The following CUL9 variants were observed in gnomAD, a reference collection of about 807,000 sequenced individuals.
CUL9 encodes the protein cullin 9, also known as cullin-9.
In CUL9, 79 loss-of-function variants were observed where a neutral mutation model predicts 272.6. The observed-to-expected ratio is 0.29, with a 90% confidence interval of 0.24 to 0.35. CUL9 has a LOEUF of 0.35. Ranked by LOEUF, CUL9 falls within the 10% of genes least tolerant of loss-of-function variation. The pLI, the probability that CUL9 is intolerant of heterozygous loss-of-function variation, is 1.00. For missense variants in CUL9, 2,532 were observed against 3,255.6 expected, an observed-to-expected ratio of 0.78 and a Z score of 5.41; for synonymous variants, 1,186 against 1,286.5, an observed-to-expected ratio of 0.92 and a Z score of 1.67.
rs367599354 is a variant in CUL9, at chr6:43,187,111, G to A, written c.1387+16G>A. ...TTGGGCACAGGTGAGCCTAAGAGGGGACATGGATAGCATGTCTCTGAACAG... is the reference window on the plus strand; with the variant it reads ...TTGGGCACAGGTGAGCCTAAGAGGGAACATGGATAGCATGTCTCTGAACAG... On this transcript the variant is annotated intron_variant, in intron 5 of 40. Coordinates refer to ENST00000252050, the MANE Select transcript of CUL9 (RefSeq NM_015089.4). 5.0e-6 allele frequency: 8 copies of A among 1,613,460 alleles called. No homozygotes were observed. In the African/African-American group the frequency reaches 1.1e-4, roughly 22 times the overall value.
Position 43,224,110 on chromosome 6 carries a change from C to G in CUL9, c.7300C>G (p.Leu2434Val). The change falls in exon 40 of 41, where the codon CTT becomes GTT. Residue 2434 changes from leucine (L) to valine (V), a missense_variant. Around this residue, in one of 3 missense-constraint regions of CUL9, gnomAD observed 237 missense variants for 305.9 expected, o/e 0.77. Transcript: ENST00000252050. The surrounding 1 kb of genome is among the most constrained non-coding windows in gnomAD (Gnocchi z 4.2). ...TGCTCACCAGGATTTCCGGGTTGGT[C>G]TTCAGAGTCCATCAGTAGAGGCCTG... Reference protein sequence around the residue: ...QHSAQDFRVGLQSPSVEAWEA... With the variant: ...QHSAQDFRVGVQSPSVEAWEA... The G allele has an allele frequency of 6.2e-7, 1 of 1,614,238 alleles. No homozygotes were observed. Among genetic ancestry groups the G allele is most frequent in the Non-Finnish European group, 8.5e-7 (1 of 1,180,048 alleles).
intron 29 of CUL9, among the ~76,000 whole-genome samples, chr6:43,214,534 C>A (rs1052046290): frequency 2.0e-5 from 3 of 152,148 alleles, no homozygotes; most frequent in African/African-American, 7.2e-5. Context: ...GGCGCGGTGG[C>A]TCATGCCTGT....
Position 43,196,840 on chromosome 6 carries a change from G to T in CUL9, c.2781G>T (p.Pro927=). 3 of 1,614,088 alleles carry T rather than the reference G, an allele frequency of 1.9e-6. No individual in the cohort carries two copies. Among genetic ancestry groups the T allele is most frequent in the Middle Eastern group, 1.7e-4 (1 of 6,060 alleles). ...TGCTTCTCAATCGCTACTCAGAGCC[G>T]CCGGGCAGCCCTGAGCGTGCAGGTA... is the stretch of plus-strand genomic sequence containing the variant. ...LMMLLNRYSE[P]PGSPERAALE... is the part of the protein sequence containing the mutation. The change falls in exon 11 of 41, where the codon CCG becomes CCT. Residue 927 remains proline (P), a synonymous_variant. Coordinates refer to ENST00000252050, the MANE Select transcript of CUL9 (RefSeq NM_015089.4).
In CUL9 at chr6:43,187,263, T is replaced by C; in HGVS notation, c.1405T>C (p.Trp469Arg). Residue 469 changes from tryptophan to arginine, a missense_variant, in exon 6 of 41, where the codon TGG (tryptophan) becomes CGG (arginine). Coordinates refer to ENST00000252050, the MANE Select transcript of CUL9 (RefSeq NM_015089.4). The part of the protein sequence containing the change: ...VLGTAFPSWD[W>R]NPMDGLYPLP... ...GTCCTCAGCATTTCCCTCCTGGGACTGGAATCCTATGGATGGGCTGTACCC... is the reference window on the plus strand; with the variant it reads ...GTCCTCAGCATTTCCCTCCTGGGACCGGAATCCTATGGATGGGCTGTACCC... The C allele has an allele frequency of 1.2e-6, 2 of 1,613,936 alleles. No homozygotes were observed. The highest frequency in any genetic ancestry group is 2.2e-5 in the East Asian group (1 of 44,886).
In CUL9 at chr6:43,200,204, CAGG is replaced by C. The variant is rs747233788; in HGVS notation, c.3384+51_3384+53del. On this transcript the variant is annotated intron_variant, in intron 14 of 40. Coordinates refer to ENST00000252050, the MANE Select transcript of CUL9 (RefSeq NM_015089.4). This position sits in a 1 kb window ranked among gnomAD's most constrained non-coding sequence, Gnocchi z 4.0. ...CAGCTGAGAGAATGCAAGTCAGAAG[CAGG>C]AGAAGGGGATTCACTGTGTTCCTCT... 6.4e-7 allele frequency: 1 copy of C among 1,553,822 alleles called. No individual in the cohort carries two copies. The highest frequency in any genetic ancestry group is 8.8e-7 in the Non-Finnish European group (1 of 1,132,004).
At chr6:43,191,763 T>C (rs966598668) in intron 8 of CUL9, among the ~76,000 whole-genome samples, 1 of 151,862 alleles carries the variant, frequency 6.6e-6, no homozygotes, top group African/African-American at 2.4e-5. Context: ...TTTTGTATTT[T>C]TAGTAGAGAT....
chr6:43,187,179 C>A, intron 5 of CUL9, 67 bp from the exon 6 acceptor site: 1 of 1,604,444 alleles, frequency 6.2e-7, no homozygotes, highest in South Asian at 1.1e-5. Flanking sequence ...CCAGGAGCAG[C>A]CCTAGGGGTC....
At position 43,207,290 on chromosome 6, in the gene CUL9, C is replaced by A. The variant is rs972576128; in HGVS notation, c.5212+780C>A. Among the ~76,000 whole-genome samples, 6 of 152,300 alleles carry A rather than the reference C, an allele frequency of 3.9e-5. No individual in the cohort carries two copies. The East Asian group carries it at 1.2e-3, about 29-fold the overall frequency. ...TAGAAGGCTGTCTCCTTCATGCCCC[C>A]TTTCCAGTCAATGTCTTCTTCCAGG... On this transcript the variant is annotated intron_variant, in intron 26 of 40. Transcript: ENST00000252050.
chr6:43,185,360 G>T, intron 2 of CUL9, 96 bp from the exon 3 acceptor site: 1 of 1,333,954 alleles, frequency 7.5e-7, no homozygotes, highest in Non-Finnish European at 1.0e-6. Flanking sequence ...TAGTAACAAA[G>T]TTTGAAAGCG....
At chr6:43,208,047 A>G (rs967487844) in intron 26 of CUL9, among the ~76,000 whole-genome samples, 5 of 152,250 alleles carry the variant, frequency 3.3e-5, no homozygotes, top group Non-Finnish European at 7.3e-5. Flanking sequence ...GAAGGTTAAA[A>G]TAGTTTAACA....
At chr6:43,187,654 C>T in intron 6 of CUL9, 59 bp from the exon 7 acceptor site, 6 of 1,557,606 alleles carry the variant, frequency 3.9e-6, no homozygotes, top group Non-Finnish European at 5.3e-6. Context: ...CTTCCCATTA[C>T]TGACCCCAAG....
rs909195014 is a variant in CUL9 at position 43,213,897 on chromosome 6, T to G, written c.5673T>G (p.Asp1891Glu). Residue 1891 changes from aspartate (D) to glutamate (E), a missense_variant, in exon 29 of 41, where the codon GAT becomes GAG. By Grantham distance (45) the Asp-to-Glu change is conservative. Around this residue, in one of 3 missense-constraint regions of CUL9, gnomAD observed 2,218 missense variants for 2,788.6 expected, o/e 0.80. Transcript: ENST00000252050. The surrounding 1 kb of genome is among the most constrained non-coding windows in gnomAD (Gnocchi z 5.7). The part of the protein sequence containing the change: ...KAHGEKGLHI[D>E]QLVCLVLEAW... ...ATGGGGAAAAGGGCCTCCACATTGATCAGCTGGTTTGTCTGGTAGGCAGAG... is the reference window on the plus strand; with the variant it reads ...ATGGGGAAAAGGGCCTCCACATTGAGCAGCTGGTTTGTCTGGTAGGCAGAG... 5.8e-5 allele frequency: 93 copies of G among 1,613,894 alleles called. No individual in the cohort carries two copies. The highest frequency in any genetic ancestry group is 7.6e-5 in the Non-Finnish European group (90 of 1,180,026).
rs991106724 is a variant in CUL9 at position 43,204,997 on chromosome 6, A to G, written c.4514A>G (p.Tyr1505Cys). 3.1e-6 allele frequency: 5 copies of G among 1,613,324 alleles called. No homozygotes were observed. The highest frequency in any genetic ancestry group is 4.5e-5 in the East Asian group (2 of 44,876). The change falls in exon 23 of 41, where the codon TAT (tyrosine) becomes TGT (cysteine). Residue 1505 changes from tyrosine (Y) to cysteine (C), a missense_variant. By Grantham distance (194) the Tyr-to-Cys change is radical. Around this residue, in one of 3 missense-constraint regions of CUL9, gnomAD observed 2,218 missense variants for 2,788.6 expected, o/e 0.80. Coordinates refer to ENST00000252050, the MANE Select transcript of CUL9 (RefSeq NM_015089.4). ...TTTGTGCCTCGTTACTGTAAACTCT[A>G]TGAGCACTTGCAGAGAGCAGGCTCC... ...PDFVPRYCKL[Y>C]EHLQRAGSEL...
intron 9 of CUL9, among the ~76,000 whole-genome samples, chr6:43,193,857 T>C (rs946319969): frequency 6.6e-6 from 1 of 152,130 alleles, no homozygotes; most frequent in Non-Finnish European, 1.5e-5. Flanking sequence ...GTTCCTGCCT[T>C]TTTAGTTATT....
rs1202998319 is a variant in CUL9 at position 43,220,318 on chromosome 6, A to T, written c.6283-141A>T. ...TGGAGAGAGGAGTCAGCATTGGTTG[A>T]TCTAGAGGCAGGCTTGTTTCTGGCC... On this transcript the variant is annotated intron_variant, in intron 31 of 40. Transcript: ENST00000252050. This position sits in a 1 kb window ranked among gnomAD's most constrained non-coding sequence, Gnocchi z 4.9. 2.1e-6 allele frequency: 2 copies of T among 944,984 alleles called. No individual in the cohort carries two copies. The highest frequency in any genetic ancestry group is 4.5e-5 in the Admixed American group (2 of 44,156). 58.5% of individuals were successfully genotyped at this position (944,984 alleles called of 1,614,324 possible).
chr6:43,203,044 A>G lies in CUL9; in HGVS notation c.3754-65A>G, dbSNP rs750514725. 3 of 1,573,706 alleles carry G rather than the reference A, an allele frequency of 1.9e-6. No homozygotes were observed. Among genetic ancestry groups the G allele is most frequent in the African/African-American group, 1.4e-5 (1 of 74,040 alleles). ...CACCATGACCGACTTGGTTACTGTC[A>G]ACAATTTTTCCAACCTTGTTTCTGG... On this transcript the variant is annotated intron_variant, in intron 17 of 40. Transcript: ENST00000252050. This position sits in a 1 kb window ranked among gnomAD's most constrained non-coding sequence, Gnocchi z 5.0.
At position 43,223,189 on chromosome 6, in the gene CUL9, C is replaced by T; in HGVS notation, c.7151-75C>T. 2.7e-6 allele frequency: 4 copies of T among 1,508,812 alleles called. No individual in the cohort carries two copies. Among genetic ancestry groups the T allele is most frequent in the Non-Finnish European group, 2.7e-6 (3 of 1,118,688 alleles). The allele number at this position is 1,508,812 out of a possible 1,614,324, so 93.5% of individuals were successfully genotyped here. A position where few individuals can be genotyped will look rare whatever the true frequency, so the allele number is the denominator to read the frequency against. ...CTGCACCTGGTGCTTGGTAGACGTT[C>T]CATAGGTGTTTGTTGGAGGAAGGAA... On this transcript the variant is annotated intron_variant, in intron 38 of 40. Transcript: ENST00000252050. This position sits in a 1 kb window ranked among gnomAD's most constrained non-coding sequence, Gnocchi z 4.1.
At position 43,186,959 on chromosome 6, in the gene CUL9, G is replaced by A. The variant is rs757598357; in HGVS notation, c.1252-1G>A. 6 of 1,613,938 alleles carry A rather than the reference G, an allele frequency of 3.7e-6. No individual in the cohort carries two copies. The highest frequency in any genetic ancestry group is 5.1e-6 in the Non-Finnish European group (6 of 1,179,886). ...CTCTCTTTCTTCCTCCCTCATACCA[G>A]GTTTTCTGGCAGTCGACAGGCCGCA... On this transcript the variant is annotated splice_acceptor_variant, in intron 4 of 40. Transcript: ENST00000252050. LOFTEE classifies it high-confidence loss of function.
rs544219021 is a variant in CUL9 at position 43,209,583 on chromosome 6, C to T, written c.5212+3073C>T. On this transcript the variant is annotated intron_variant, in intron 26 of 40. Transcript: ENST00000252050. ...GTCTCCTTTAATCTGGAACAGTTCC[C>T]CATCCTTTCTTTCTTTGTCTTTTAT... Among the ~76,000 whole-genome samples the T allele has an allele frequency of 5.9e-5, 9 of 152,284 alleles. No homozygotes were observed. The East Asian group carries it at 1.7e-3, about 29-fold the overall frequency.
Sources: gnomAD v4.1 joint callset for allele counts (sites outside exome capture counted in the v4.1 genomes callset) on GRCh38, gnomAD v4.1.1 for gene constraint, gnomAD v4.1.1 regional missense constraint, Gnocchi (gnomAD v3.1) non-coding constraint, MANE v1.5 for transcripts, NCBI Gene and HGNC (gene_info 2026-07-23, HGNC 2026-07-21) for gene names.